Variants in GBF1 observed in about 807,000 individuals in gnomAD.
GBF1 encodes golgi brefeldin A resistant guanine nucleotide exchange factor 1.
A neutral mutation model predicts 210.5 loss-of-function variants in GBF1; 114 were observed. The observed-to-expected ratio is 0.54, with a 90% CI of 0.47 to 0.63. GBF1 has a LOEUF of 0.63. Among genes scored for constraint, GBF1 ranks in the 30% least tolerant of loss-of-function variants. GBF1 has a pLI of 0.00. For synonymous variants in GBF1, 850 were observed against 889.2 expected, an observed-to-expected ratio of 0.96 and a Z score of 0.78; for missense variants, 1,851 against 2,357.7, an observed-to-expected ratio of 0.79 and a Z score of 4.45.
upstream of GBF1, among the ~76,000 whole-genome samples, chr10:102,242,377 C>T (rs1288843975): frequency 6.6e-6 from 1 of 152,208 alleles, no homozygotes; most frequent in Non-Finnish European, 1.5e-5. Flanking sequence ...GCCTTTCAGT[C>T]TGTACCCTTG....
rs199827456 is a variant in GBF1 at position 102,381,987 on chromosome 10, C to T, written c.5303-69C>T. ...GAACAGAGACTCTATAAGCAGCCAG[C>T]TGGGCAATGTGAGAGTTGTCTTGTA... On this transcript the variant is annotated intron_variant, in intron 39 of 39. Coordinates refer to ENST00000369983, the MANE Select transcript of GBF1 (RefSeq NM_001377137.1). 210 of 1,331,680 alleles carry T rather than the reference C, an allele frequency of 1.6e-4. No homozygotes were observed. In the Middle Eastern group the frequency reaches 2.1e-3, roughly 13 times the overall value. The allele number at this position is 1,331,680 out of a possible 1,614,324, so 82.5% of individuals were successfully genotyped here.
rs397968996 is a variant in GBF1, at chr10:102,366,584, CTTTTTTTTTTTT to C, written c.2433+87_2433+98del. 4 of 642,670 alleles carry C rather than the reference CTTTTTTTTTTTT, an allele frequency of 6.2e-6. No individual in the cohort carries two copies. Among genetic ancestry groups the C allele is most frequent in the Non-Finnish European group, 9.3e-6 (4 of 429,428 alleles). The allele number at this position is 642,670 out of a possible 1,614,324, so 39.8% of individuals were successfully genotyped here. On this transcript the variant is annotated intron_variant, in intron 19 of 39. Coordinates refer to ENST00000369983, the MANE Select transcript of GBF1 (RefSeq NM_001377137.1). The surrounding 1 kb of genome is among the most constrained non-coding windows in gnomAD (Gnocchi z 4.0). ...GGGCTGAAGAATCCAGCTGCTGTCTCTTTTTTTTTTTTTTTTTTTTGAGACAGAGTCTCGCTC... is the reference window on the plus strand; with the variant it reads ...GGGCTGAAGAATCCAGCTGCTGTCTCTTTTTTTTGAGACAGAGTCTCGCTC...
At chr10:102,372,860 T>C (rs1331375325) in intron 29 of GBF1, among the ~76,000 whole-genome samples, 1 of 152,214 alleles carries the variant, frequency 6.6e-6, no homozygotes, top group Non-Finnish European at 1.5e-5. Flanking sequence ...AGCAAAGAAT[T>C]TTTAGCATGT....
At position 102,351,998 on chromosome 10, in the gene GBF1, C is replaced by CT. The variant is rs781551011; in HGVS notation, c.523+48dup. The CT allele has an allele frequency of 6.8e-6, 7 of 1,028,506 alleles. No individual in the cohort carries two copies. In the East Asian group the frequency reaches 7.1e-5, roughly 10 times the overall value. 63.7% of individuals were successfully genotyped at this position (1,028,506 alleles called of 1,614,324 possible). A position where few individuals can be genotyped will look rare whatever the true frequency, so the allele number is the denominator to read the frequency against. On this transcript the variant is annotated intron_variant, in intron 6 of 39. Transcript: ENST00000369983. ...CCTTCACCATTCCTGGGGCCAGTGT[C>CT]TGAGTATGAATACAGGAGGCTGTCT...
At chr10:102,230,702 A>T in the GBF1 span, 1 of 1,559,694 alleles carries the variant, frequency 6.4e-7, no homozygotes, top group African/African-American at 1.4e-5. Context: ...GCGGCGGCCG[A>T]GGCATAAGGG....
chr10:102,275,862 C>G (rs1028977014), intron 3 of GBF1, among the ~76,000 whole-genome samples: 25 of 152,324 alleles, frequency 1.6e-4, no homozygotes, highest in African/African-American at 6.0e-4. Flanking sequence ...GACTTCGGTT[C>G]TCAGACTCCA....
At chr10:102,301,597 C>T (rs1217744804) in intron 3 of GBF1, among the ~76,000 whole-genome samples, 1 of 151,398 alleles carries the variant, frequency 6.6e-6, no homozygotes, top group East Asian at 1.9e-4. Flanking sequence ...ACGGGGCGGC[C>T]GGGCAGAGAC....
chr10:102,350,409 C>T lies in GBF1; in HGVS notation c.296-847C>T, dbSNP rs75053929. Among the ~76,000 whole-genome samples the T allele has an allele frequency of 3.6e-3, 542 of 151,698 alleles. 6 individuals are homozygous for T. Among genetic ancestry groups the T allele is most frequent in the Non-Finnish European group, 3.1e-3 (214 of 67,978 alleles). On this transcript the variant is annotated intron_variant, in intron 4 of 39. Transcript: ENST00000369983. Reference sequence around the variant, plus strand: ...TGTGGCACTCAGATATGAGTATTGGCGGCAGTGAGTGTTCATTTCCTCCTC... The same window carrying T: ...TGTGGCACTCAGATATGAGTATTGGTGGCAGTGAGTGTTCATTTCCTCCTC...
At chr10:102,337,155 G>C (rs535170373) in intron 3 of GBF1, among the ~76,000 whole-genome samples, 1 of 151,870 alleles carries the variant, frequency 6.6e-6, no homozygotes, top group Non-Finnish European at 1.5e-5. Context: ...GAGGTGGGCG[G>C]ATCACGAGGT....
chr10:102,380,359 A>C lies in GBF1; in HGVS notation c.4989A>C (p.Leu1663Phe). The change falls in exon 37 of 40, where the codon TTA (leucine) becomes TTC (phenylalanine). Residue 1663 changes from leucine (L) to phenylalanine (F), a missense_variant. By Grantham distance (22) the Leu-to-Phe change is conservative. This residue lies in a region of GBF1 where 967 missense variants were observed against 1,247.7 expected (regional missense o/e 0.78). Transcript: ENST00000369983. ...DKYMHAGSSDLLSEAIPESLK... is the reference protein window; with the variant it reads ...DKYMHAGSSDFLSEAIPESLK... ...ACATGCACGCAGGCTCCAGCGACTT[A>C]CTGGTATGTTCTACCTCAGCTCTGC... The C allele has an allele frequency of 6.2e-7, 1 of 1,609,346 alleles. No individual in the cohort carries two copies. Among genetic ancestry groups the C allele is most frequent in the Admixed American group, 1.7e-5 (1 of 59,990 alleles).
At chr10:102,313,743 C>G (rs1318373298) in intron 3 of GBF1, among the ~76,000 whole-genome samples, 3 of 152,176 alleles carry the variant, frequency 2.0e-5, no homozygotes, top group Non-Finnish European at 4.4e-5. Context: ...GTCCACCTAA[C>G]TAGTGTGATT....
chr10:102,332,680 A>G (rs938938979), intron 3 of GBF1, among the ~76,000 whole-genome samples: 1 of 152,146 alleles, frequency 6.6e-6, no homozygotes, highest in South Asian at 2.1e-4. Context: ...CACCAAGCCC[A>G]GCCTAATTTG....
intron 10 of GBF1, 55 bp downstream of exon 10, chr10:102,358,784 T>G (rs2059431301): frequency 8.5e-7 from 1 of 1,177,218 alleles, no homozygotes; most frequent in South Asian, 1.3e-5. Flanking sequence ...GGAAATGGCT[T>G]GATCCTTTGG....
intron 3 of GBF1, among the ~76,000 whole-genome samples, chr10:102,315,296 T>C (rs1335227557): frequency 6.6e-6 from 1 of 152,148 alleles, no homozygotes; most frequent in East Asian, 1.9e-4. Flanking sequence ...AGGTAAGTGG[T>C]GGGCGAGCAA....
intron 17 of GBF1, among the ~76,000 whole-genome samples, chr10:102,364,664 C>A (rs1294829920): frequency 6.6e-6 from 1 of 151,424 alleles, no homozygotes; most frequent in East Asian, 2.0e-4. Flanking sequence ...GCCTGGCTAA[C>A]ACGATGAAAC....
the GBF1 span, among the ~76,000 whole-genome samples, chr10:102,235,326 G>C: frequency 2.0e-5 from 3 of 152,112 alleles, no homozygotes; most frequent in Admixed American, 6.5e-5. Context: ...GAGAATGCTG[G>C]AGCTAGAGGA....
At chr10:102,231,828 A>T in the GBF1 span, 41 of 1,592,778 alleles carry the variant, frequency 2.6e-5, no homozygotes, top group Non-Finnish European at 3.5e-5. Context: ...AGAGCGCCCA[A>T]GCCAGCGCAT....
upstream of GBF1, chr10:102,245,513 A>T (rs2070721843): frequency 6.6e-6 from 1 of 152,256 alleles, no homozygotes; most frequent in South Asian, 2.1e-4. Flanking sequence ...GTTACCAGGC[A>T]GCGGGCTAGA....
At chr10:102,272,256 C>T (rs1014001545) in intron 3 of GBF1, among the ~76,000 whole-genome samples, 1 of 152,138 alleles carries the variant, frequency 6.6e-6, no homozygotes, top group African/African-American at 2.4e-5. Context: ...AGGCACCCAC[C>T]ACCGCACATG....
Sources: allele counts gnomAD v4.1 joint callset (sites outside exome capture counted in the v4.1 genomes callset), GRCh38; gene constraint gnomAD v4.1.1; regional missense constraint gnomAD v4.1.1; non-coding constraint Gnocchi (gnomAD v3.1); transcripts MANE v1.5; gene names NCBI Gene and HGNC (gene_info 2026-07-23, HGNC 2026-07-21).